SLC35D3: variants seen among roughly 807,000 people sequenced by gnomAD.
SLC35D3 encodes solute carrier family 35 member D3, also known as frc, fringe-like 1.
A neutral mutation model predicts 20.3 loss-of-function variants in SLC35D3; 18 were observed. That is an observed-to-expected ratio of 0.89 (90% CI 0.61 to 1.32). SLC35D3 has a LOEUF of 1.32. Among genes scored for constraint, SLC35D3 ranks in the 40% most tolerant of loss-of-function variants. SLC35D3 has a pLI of 0.00. For missense variants in SLC35D3, 556 were observed against 565.5 expected (o/e 0.98, Z 0.17); for synonymous variants, 313 against 263.5 (o/e 1.19, Z -1.82).
At position 136,922,855 on chromosome 6, in the gene SLC35D3, G is replaced by A. The variant is rs766441517; in HGVS notation, c.427G>A (p.Ala143Thr). Residue 143 changes from alanine (A) to threonine (T), a missense_variant, in exon 1 of 2, where the codon GCC (alanine) becomes ACC (threonine). Physicochemically the swap from Ala to Thr is moderately conservative, Grantham distance 58 (BLOSUM62 0). Coordinates refer to ENST00000331858, the MANE Select transcript of SLC35D3 (RefSeq NM_001008783.3). This position sits in a 1 kb window ranked among gnomAD's most constrained non-coding sequence, Gnocchi z 6.8. Reference sequence around the variant, plus strand: ...GGCGGTGCTCATCACCACCTGCGGCGCCGCCCTGGCAGGTGAGCGGGCCCC... The same window carrying A: ...GGCGGTGCTCATCACCACCTGCGGCACCGCCCTGGCAGGTGAGCGGGCCCC... ...LAAVLITTCG[A>T]ALAGAGDLTG... 48 of 1,537,134 alleles carry A rather than the reference G, an allele frequency of 3.1e-5. No homozygotes were observed. Among genetic ancestry groups the A allele is most frequent in the Middle Eastern group, 2.0e-4 (1 of 4,924 alleles).
chr6:136,922,876 G>A lies in SLC35D3; in HGVS notation c.439+9G>A, dbSNP rs7776057. ...CGGCGCCGCCCTGGCAGGTGAGCGG[G>A]CCCCCGCGCCGACCCCCAGCCGACC... On this transcript the variant is annotated intron_variant, in intron 1 of 1. Coordinates refer to ENST00000331858, the MANE Select transcript of SLC35D3 (RefSeq NM_001008783.3). The surrounding 1 kb of genome is among the most constrained non-coding windows in gnomAD (Gnocchi z 6.8). 5.6e-3 allele frequency: 8,469 copies of A among 1,519,256 alleles called. 380 individuals are homozygous for A. In the African/African-American group the frequency reaches 0.098, roughly 18 times the overall value. 94.1% of individuals were successfully genotyped at this position (1,519,256 alleles called of 1,614,324 possible). A position where few individuals can be genotyped will look rare whatever the true frequency, so the allele number is the denominator to read the frequency against.
chr6:136,923,988 C>T lies in SLC35D3; in HGVS notation c.543C>T (p.Asp181=), dbSNP rs200104983. The T allele has an allele frequency of 6.9e-6, 11 of 1,586,992 alleles. No homozygotes were observed. The Admixed American group carries it at 1.7e-4, about 25-fold the overall frequency. ...YLVLIQKASA[D]TEHGPLTAQY... is the part of the protein sequence containing the mutation. ...TGCTCATCCAGAAGGCCAGCGCAGA[C>T]ACCGAGCACGGGCCGCTCACCGCGC... The change falls in exon 2 of 2, where the codon GAC becomes GAT. Residue 181 remains aspartate (D), a synonymous_variant. Transcript: ENST00000331858. This position sits in a 1 kb window ranked among gnomAD's most constrained non-coding sequence, Gnocchi z 6.2.
At position 136,922,391 on chromosome 6, in the gene SLC35D3, G is replaced by T. The variant is rs917120302; in HGVS notation, c.-38G>T. 2.8e-6 allele frequency: 4 copies of T among 1,419,256 alleles called. No homozygotes were observed. The highest frequency in any genetic ancestry group is 2.1e-4 in the Middle Eastern group (1 of 4,864). The allele number at this position is 1,419,256 out of a possible 1,614,324, so 87.9% of individuals were successfully genotyped here. A position where few individuals can be genotyped will look rare whatever the true frequency, so the allele number is the denominator to read the frequency against. ...TCCCGGCTCCTCGCGCGCAGGTCGCGGAGCTCCGCCACCGCTGGGTGCGGC... is the reference window on the plus strand; with the variant it reads ...TCCCGGCTCCTCGCGCGCAGGTCGCTGAGCTCCGCCACCGCTGGGTGCGGC... On this transcript the variant is annotated 5_prime_UTR_variant, in exon 1 of 2. Coordinates refer to ENST00000331858, the MANE Select transcript of SLC35D3 (RefSeq NM_001008783.3). The surrounding 1 kb of genome is among the most constrained non-coding windows in gnomAD (Gnocchi z 6.8).
rs140043418 is a variant in SLC35D3, at chr6:136,924,696, A to G, written c.1251A>G (p.Ter417TrpextTer17). Reference sequence around the variant, plus strand: ...AAAACGAGGAGTTACCCAGTCCTTGAGAAGGAGGTGCATGTACGTACCTAT... The same window carrying G: ...AAAACGAGGAGTTACCCAGTCCTTGGGAAGGAGGTGCATGTACGTACCTAT... ...LIENEELPSP[*>W] Residue 417 changes from the stop codon to tryptophan (W), a stop_lost, in exon 2 of 2, where the codon TGA (stop) becomes TGG (tryptophan). Coordinates refer to ENST00000331858, the MANE Select transcript of SLC35D3 (RefSeq NM_001008783.3). 5.0e-6 allele frequency: 8 copies of G among 1,606,800 alleles called. No individual in the cohort carries two copies. The highest frequency in any genetic ancestry group is 6.8e-6 in the Non-Finnish European group (8 of 1,176,104).
In SLC35D3 at chr6:136,923,071, C is replaced by A. The variant is rs1211209602; in HGVS notation, c.439+204C>A. Among the ~76,000 whole-genome samples the A allele has an allele frequency of 6.6e-6, 1 of 152,158 alleles. No individual in the cohort carries two copies. Among genetic ancestry groups the A allele is most frequent in the Non-Finnish European group, 1.5e-5 (1 of 68,006 alleles). The stretch of plus-strand genomic sequence containing the variant: ...AGAGCTCCCCAGCGCCCCACCAAGT[C>A]CCCCTGCCCCCTAATGTCCTGGCTT... On this transcript the variant is annotated intron_variant, in intron 1 of 1. Transcript: ENST00000331858. This position sits in a 1 kb window ranked among gnomAD's most constrained non-coding sequence, Gnocchi z 6.2.
In SLC35D3 at chr6:136,922,780, A is replaced by G; in HGVS notation, c.352A>G (p.Ile118Val). The G allele has an allele frequency of 6.4e-7, 1 of 1,565,700 alleles. No homozygotes were observed. The highest frequency in any genetic ancestry group is 8.7e-7 in the Non-Finnish European group (1 of 1,155,630). Reference sequence around the variant, plus strand: ...CTGCCTGCCCCTGGTCACCATGCTCATCGGCGTCCTGGTGCTCAAGAACGG... The same window carrying G: ...CTGCCTGCCCCTGGTCACCATGCTCGTCGGCGTCCTGGTGCTCAAGAACGG... ...KRCLPLVTML[I>V]GVLVLKNGAP... The change falls in exon 1 of 2, where the codon ATC (isoleucine) becomes GTC (valine). Residue 118 changes from isoleucine (I) to valine (V), a missense_variant. Coordinates refer to ENST00000331858, the MANE Select transcript of SLC35D3 (RefSeq NM_001008783.3). The surrounding 1 kb of genome is among the most constrained non-coding windows in gnomAD (Gnocchi z 6.8).
rs1776108873 is a variant in SLC35D3 at position 136,924,576 on chromosome 6, T to C, written c.1131T>C (p.Ser377=). The C allele has an allele frequency of 2.5e-6, 4 of 1,613,636 alleles. No homozygotes were observed. Residue 377 remains serine, a synonymous_variant, in exon 2 of 2, where the codon TCT becomes TCC. Transcript: ENST00000331858. ...GAGTCCCGCTGGTGGCTGGGAGCTC[T>C]GAAGAAGGGAGCAGGAGGTCGTTAA... ...PRGVPLVAGS[S]EEGSRRSLKD...
chr6:136,922,427 C>G lies in SLC35D3; in HGVS notation c.-2C>G. Reference sequence around the variant, plus strand: ...ACCGCTGGGTGCGGCGAGGCCGGCGCGATGCGGCAGCTGTGCCGGGGCCGC... The same window carrying G: ...ACCGCTGGGTGCGGCGAGGCCGGCGGGATGCGGCAGCTGTGCCGGGGCCGC... On this transcript the variant is annotated 5_prime_UTR_variant, in exon 1 of 2. Transcript: ENST00000331858. This position sits in a 1 kb window ranked among gnomAD's most constrained non-coding sequence, Gnocchi z 6.8. 1 of 1,545,346 alleles carries G rather than the reference C, an allele frequency of 6.5e-7. No individual in the cohort carries two copies. Among genetic ancestry groups the G allele is most frequent in the Non-Finnish European group, 8.7e-7 (1 of 1,149,550 alleles).
Position 136,922,812 on chromosome 6 carries a change from C to T in SLC35D3, c.384C>T (p.Pro128=), listed in dbSNP as rs761252273. ...IGVLVLKNGA[P]SPGVLAAVLI... Reference sequence around the variant, plus strand: ...TCCTGGTGCTCAAGAACGGCGCGCCCTCGCCAGGGGTGCTGGCGGCGGTGC... The same window carrying T: ...TCCTGGTGCTCAAGAACGGCGCGCCTTCGCCAGGGGTGCTGGCGGCGGTGC... Residue 128 remains proline (P), a synonymous_variant, in exon 1 of 2, where the codon CCC becomes CCT. Transcript: ENST00000331858. The surrounding 1 kb of genome is among the most constrained non-coding windows in gnomAD (Gnocchi z 6.8). The T allele has an allele frequency of 1.9e-5, 30 of 1,560,148 alleles. No individual in the cohort carries two copies. In the South Asian group the frequency reaches 2.7e-4, roughly 14 times the overall value.
rs200715547 is a variant in SLC35D3, at chr6:136,923,851, G to T, written c.440-34G>T. 9.5e-5 allele frequency: 140 copies of T among 1,469,152 alleles called. No homozygotes were observed. The East Asian group carries it at 1.1e-3, about 12-fold the overall frequency. 91.0% of individuals were successfully genotyped at this position (1,469,152 alleles called of 1,614,324 possible). On this transcript the variant is annotated intron_variant, in intron 1 of 1. Transcript: ENST00000331858. The surrounding 1 kb of genome is among the most constrained non-coding windows in gnomAD (Gnocchi z 6.2). ...GCTGTCTTCTCTCTTTTTCCTTCCC[G>T]CCCGGGCTCGGCCGTCCTCCTCGTG... is the stretch of plus-strand genomic sequence containing the variant.
rs745815444 is a variant in SLC35D3 at position 136,922,586 on chromosome 6, C to T, written c.158C>T (p.Ala53Val). The change falls in exon 1 of 2, where the codon GCG becomes GTG. Residue 53 changes from alanine to valine, a missense_variant. Ala to Val is a moderately conservative substitution (Grantham distance 64). Transcript: ENST00000331858. The surrounding 1 kb of genome is among the most constrained non-coding windows in gnomAD (Gnocchi z 6.8). ...LVQCLTSSTA[A>V]LSLELLRRLG... ...CAGTGCCTGACCAGCTCCACCGCGG[C>T]GCTGAGCCTGGAGCTGCTGCGGCGC... is the stretch of plus-strand genomic sequence containing the variant. 7.4e-6 allele frequency: 12 copies of T among 1,612,386 alleles called. No individual in the cohort carries two copies. Among genetic ancestry groups the T allele is most frequent in the Admixed American group, 3.3e-5 (2 of 60,012 alleles).
Position 136,924,145 on chromosome 6 carries a change from C to T in SLC35D3, c.700C>T (p.Leu234=), listed in dbSNP as rs150146830. ...GGTCTGCATCTTCGTGGCCTGCATCCTGATCGGCTGCGCCATGAACTTCAC... is the reference window on the plus strand; with the variant it reads ...GGTCTGCATCTTCGTGGCCTGCATCTTGATCGGCTGCGCCATGAACTTCAC... The part of the protein sequence containing the change: ...AMVCIFVACI[L]IGCAMNFTTL... Residue 234 remains leucine, a synonymous_variant, in exon 2 of 2, where the codon CTG becomes TTG. Coordinates refer to ENST00000331858, the MANE Select transcript of SLC35D3 (RefSeq NM_001008783.3). The T allele has an allele frequency of 4.8e-5, 78 of 1,612,724 alleles. No individual in the cohort carries two copies. Among genetic ancestry groups the T allele is most frequent in the Admixed American group, 4.2e-4 (25 of 60,014 alleles).
Position 136,924,284 on chromosome 6 carries a change from C to T in SLC35D3, c.839C>T (p.Thr280Ile), listed in dbSNP as rs2115309490. 1 of 1,614,128 alleles carries T rather than the reference C, an allele frequency of 6.2e-7. No homozygotes were observed. Among genetic ancestry groups the T allele is most frequent in the East Asian group, 2.2e-5 (1 of 44,878 alleles). Reference protein sequence around the residue: ...GMVAFSDVEPTSLFIAGVVVN... With the variant: ...GMVAFSDVEPISLFIAGVVVN... ...GTGGCCTTCAGCGACGTGGAGCCCACCTCTCTGTTCATTGCCGGCGTGGTG... is the reference window on the plus strand; with the variant it reads ...GTGGCCTTCAGCGACGTGGAGCCCATCTCTCTGTTCATTGCCGGCGTGGTG... Residue 280 changes from threonine to isoleucine, a missense_variant, in exon 2 of 2, where the codon ACC becomes ATC. By Grantham distance (89) the Thr-to-Ile change is moderately conservative (BLOSUM62 -1). Coordinates refer to ENST00000331858, the MANE Select transcript of SLC35D3 (RefSeq NM_001008783.3).
At position 136,922,773 on chromosome 6, in the gene SLC35D3, C is replaced by T. The variant is rs992331496; in HGVS notation, c.345C>T (p.Thr115=). 2 of 1,566,280 alleles carry T rather than the reference C, an allele frequency of 1.3e-6. No homozygotes were observed. Among genetic ancestry groups the T allele is most frequent in the East Asian group, 4.7e-5 (2 of 42,346 alleles). ...VVFKRCLPLV[T]MLIGVLVLKN... ...TCAAGCGCTGCCTGCCCCTGGTCACCATGCTCATCGGCGTCCTGGTGCTCA... is the reference window on the plus strand; with the variant it reads ...TCAAGCGCTGCCTGCCCCTGGTCACTATGCTCATCGGCGTCCTGGTGCTCA... The change falls in exon 1 of 2, where the codon ACC becomes ACT. Residue 115 remains threonine, a synonymous_variant. Transcript: ENST00000331858. This position sits in a 1 kb window ranked among gnomAD's most constrained non-coding sequence, Gnocchi z 6.8.
chr6:136,922,496 G>A lies in SLC35D3; in HGVS notation c.68G>A (p.Gly23Asp). The change falls in exon 1 of 2, where the codon GGC (glycine) becomes GAC (aspartate). Residue 23 changes from glycine to aspartate, a missense_variant. Transcript: ENST00000331858. The surrounding 1 kb of genome is among the most constrained non-coding windows in gnomAD (Gnocchi z 6.8). ...GCCATCGCGCACGGGGTCTTCTCGGGCTCCCTCAACATCTTGCTCAAGTTC... is the reference window on the plus strand; with the variant it reads ...GCCATCGCGCACGGGGTCTTCTCGGACTCCCTCAACATCTTGCTCAAGTTC... ...SVAIAHGVFS[G>D]SLNILLKFLI... The A allele has an allele frequency of 6.2e-7, 1 of 1,611,022 alleles. No individual in the cohort carries two copies. Among genetic ancestry groups the A allele is most frequent in the African/African-American group, 1.3e-5 (1 of 74,966 alleles).
Position 136,923,944 on chromosome 6 carries a change from G to A in SLC35D3, c.499G>A (p.Val167Met), listed in dbSNP as rs1018784258. The A allele has an allele frequency of 1.9e-6, 3 of 1,550,588 alleles. No homozygotes were observed. The highest frequency in any genetic ancestry group is 2.6e-6 in the Non-Finnish European group (3 of 1,152,628). Reference sequence around the variant, plus strand: ...CGTCACGGGAGTGCTGGCGGTGCTGGTGCACGCTGCCTACCTGGTGCTCAT... The same window carrying A: ...CGTCACGGGAGTGCTGGCGGTGCTGATGCACGCTGCCTACCTGGTGCTCAT... ...GYVTGVLAVL[V>M]HAAYLVLIQK... The change falls in exon 2 of 2, where the codon GTG (valine) becomes ATG (methionine). Residue 167 changes from valine (V) to methionine (M), a missense_variant. Val to Met is a conservative substitution (Grantham distance 21). Coordinates refer to ENST00000331858, the MANE Select transcript of SLC35D3 (RefSeq NM_001008783.3). The surrounding 1 kb of genome is among the most constrained non-coding windows in gnomAD (Gnocchi z 6.2).
In SLC35D3 at chr6:136,924,429, C is replaced by T. The variant is rs116512494; in HGVS notation, c.984C>T (p.Asp328=). The change falls in exon 2 of 2, where the codon GAC becomes GAT. Residue 328 remains aspartate (D), a synonymous_variant. Transcript: ENST00000331858. ...GAGAGGAGGCGCAGCTAAGTGGAGA[C>T]CAGCTGCCGTTCGTGATGGAGGAGC... ...PRGEEAQLSG[D]QLPFVMEELP... 3.7e-6 allele frequency: 6 copies of T among 1,613,760 alleles called. No individual in the cohort carries two copies. The highest frequency in any genetic ancestry group is 5.1e-6 in the Non-Finnish European group (6 of 1,179,916).
Position 136,922,814 on chromosome 6 carries a change from C to A in SLC35D3, c.386C>A (p.Ser129Ter), listed in dbSNP as rs866726689. The A allele has an allele frequency of 3.2e-6, 5 of 1,559,580 alleles. No individual in the cohort carries two copies. The highest frequency in any genetic ancestry group is 4.3e-6 in the Non-Finnish European group (5 of 1,153,330). ...CTGGTGCTCAAGAACGGCGCGCCCTCGCCAGGGGTGCTGGCGGCGGTGCTC... is the reference window on the plus strand; with the variant it reads ...CTGGTGCTCAAGAACGGCGCGCCCTAGCCAGGGGTGCTGGCGGCGGTGCTC... The part of the protein sequence containing the change: ...GVLVLKNGAP[S>*]PGVLAAVLIT... The change falls in exon 1 of 2, where the codon TCG (serine) becomes TAG (stop). Residue 129 changes from serine (S) to a stop codon, truncating the protein, a stop_gained. Transcript: ENST00000331858. LOFTEE classifies it high-confidence loss of function. This position sits in a 1 kb window ranked among gnomAD's most constrained non-coding sequence, Gnocchi z 6.8.
In SLC35D3 at chr6:136,922,321, C is replaced by T. The variant is rs533895525; in HGVS notation, c.-108C>T. 288 of 1,024,478 alleles carry T rather than the reference C, an allele frequency of 2.8e-4. 2 individuals are homozygous for T. The African/African-American group carries it at 4.4e-3, about 15-fold the overall frequency. 63.5% of individuals were successfully genotyped at this position (1,024,478 alleles called of 1,614,324 possible). The stretch of plus-strand genomic sequence containing the variant: ...AGCCGAGCCGGCGCCCCCTGCCCTT[C>T]GCCGCCGCGCTGGGCGGGCGCCCCC... On this transcript the variant is annotated 5_prime_UTR_variant, in exon 1 of 2. Coordinates refer to ENST00000331858, the MANE Select transcript of SLC35D3 (RefSeq NM_001008783.3). The surrounding 1 kb of genome is among the most constrained non-coding windows in gnomAD (Gnocchi z 6.8).
Sources: gnomAD v4.1 joint callset for allele counts (sites outside exome capture counted in the v4.1 genomes callset) on GRCh38, gnomAD v4.1.1 for gene constraint, Gnocchi (gnomAD v3.1) non-coding constraint, MANE v1.5 for transcripts, NCBI Gene and HGNC (gene_info 2026-07-23, HGNC 2026-07-21) for gene names.